The following TFE3 variants were observed in gnomAD, a reference collection of about 807,000 sequenced individuals.
TFE3 encodes transcription factor binding to IGHM enhancer 3.
Under a neutral mutation model 35.0 loss-of-function variants are expected in TFE3, and 5 were observed. The ratio of observed to expected loss-of-function variants is 0.14; its 90% CI spans 0.07 to 0.30. TFE3 has a LOEUF of 0.30. Ranked by LOEUF, TFE3 falls within the 10% of genes least tolerant of loss-of-function variation. The pLI is 1.00. For synonymous variants in TFE3, 211 were observed against 215.6 expected (o/e 0.98, Z 0.18); for missense variants, 374 against 496.6 (o/e 0.75, Z 2.35).
chrX:49,031,608 C>T (rs1557073767), intron 8 of TFE3, 64 bp from the exon 9 acceptor site: 17 of 1,089,812 alleles, frequency 1.6e-5, no homozygotes, highest in African/African-American at 5.6e-5. Flanking sequence ...GGAGCTGAGG[C>T]GGGGATTGCA....
At chrX:49,039,838 G>T (rs1181897632) in intron 2 of TFE3, 4 of 119,109 alleles carry the variant, frequency 3.4e-5, no homozygotes, top group Non-Finnish European at 6.8e-5. Flanking sequence ...GCTCCTGGGG[G>T]TGGGCGTCAG....
At position 49,028,798 on chromosome X, in the gene TFE3, G is replaced by A. The variant is rs1401451382; in HGVS notation, c.*1360C>T. 4.7e-5 allele frequency: 8 copies of A among 168,447 alleles called. No individual in the cohort carries two copies. The East Asian group carries it at 6.8e-4, about 14-fold the overall frequency. 13.9% of individuals were successfully genotyped at this position (168,447 alleles called of 1,213,427 possible). On this transcript the variant is annotated 3_prime_UTR_variant, in exon 10 of 10. Transcript: ENST00000315869. ...TAATCACAAACCTATAGACCCCTCA[G>A]TATACCCTCCATGGGGCCTGGCCCC... is the stretch of plus-strand genomic sequence containing the variant.
chrX:49,031,296 C>G (rs1398212247), intron 9 of TFE3, 101 bp downstream of exon 9: 14 of 999,626 alleles, frequency 1.4e-5, no homozygotes, highest in Non-Finnish European at 2.6e-6. Context: ...CAGGGATCCC[C>G]CAAGTATGCC....
chrX:49,033,491 G>A lies in TFE3; in HGVS notation c.1110C>T (p.Gly370=). The A allele has an allele frequency of 1.7e-6, 2 of 1,211,697 alleles. No individual in the cohort carries two copies. The highest frequency in any genetic ancestry group is 2.2e-6 in the Non-Finnish European group (2 of 895,471). ...GGTCACTGGACTTAGGGATGAGAGTGCCCAGTTCCTTGATCCTGTCGTTAA... is the reference window on the plus strand; with the variant it reads ...GGTCACTGGACTTAGGGATGAGAGTACCCAGTTCCTTGATCCTGTCGTTAA... ...FNINDRIKEL[G]TLIPKSSDPE... is the part of the protein sequence containing the mutation. The change falls in exon 8 of 10, where the codon GGC becomes GGT. Residue 370 remains glycine (G), a synonymous_variant. Transcript: ENST00000315869.
At chrX:49,038,518 G>A (rs1372023586) in intron 3 of TFE3, 76 bp from the exon 4 acceptor site, 12 of 1,118,671 alleles carry the variant, frequency 1.1e-5, no homozygotes, top group Non-Finnish European at 1.4e-5. Context: ...CTGAGCCCCA[G>A]CCTGACCCTC....
chrX:49,039,030 C>T (rs1024715163), intron 3 of TFE3, 77 bp downstream of exon 3: 1 of 1,032,310 alleles, frequency 9.7e-7, no homozygotes, highest in Non-Finnish European at 1.3e-6. Flanking sequence ...ACCAGTGCAT[C>T]GAGGCCATCC....
Position 49,031,715 on chromosome X carries a change from C to A in TFE3, c.1137-171G>T, listed in dbSNP as rs1164010148. On this transcript the variant is annotated intron_variant, in intron 8 of 9. Coordinates refer to ENST00000315869, the MANE Select transcript of TFE3 (RefSeq NM_006521.6). ...GGAAAACTTCCCGCCTGGAATCTTACAATGGTGCCCCATCACACTCCAAAC... is the reference window on the plus strand; with the variant it reads ...GGAAAACTTCCCGCCTGGAATCTTAAAATGGTGCCCCATCACACTCCAAAC... 8.4e-6 allele frequency: 4 copies of A among 474,939 alleles called. No homozygotes were observed. In the Admixed American group the frequency reaches 1.5e-4, roughly 18 times the overall value. 39.1% of individuals were successfully genotyped at this position (474,939 alleles called of 1,213,427 possible).
Position 49,029,757 on chromosome X carries a change from A to T in TFE3, c.*401T>A, listed in dbSNP as rs1341692035. ...GTTCCAAGACAAAGGATGGAGCAAC[A>T]TCCTGACATCTCCCTTTCCCAGGAG... On this transcript the variant is annotated 3_prime_UTR_variant, in exon 10 of 10. Coordinates refer to ENST00000315869, the MANE Select transcript of TFE3 (RefSeq NM_006521.6). 1 of 452,557 alleles carries T rather than the reference A, an allele frequency of 2.2e-6. No homozygotes were observed. The highest frequency in any genetic ancestry group is 4.1e-6 in the Non-Finnish European group (1 of 241,556). 37.3% of individuals were successfully genotyped at this position (452,557 alleles called of 1,213,427 possible).
Position 49,030,616 on chromosome X carries a change from G to T in TFE3, c.1285-15C>A. 1 of 1,185,122 alleles carries T rather than the reference G, an allele frequency of 8.4e-7. No individual in the cohort carries two copies. The highest frequency in any genetic ancestry group is 1.1e-6 in the Non-Finnish European group (1 of 875,310). ...AGTTCTAGTTCCTGTAAAAAATAGG[G>T]GTTGGGTGCAGGATAAGTAGGGTTC... On this transcript the variant is annotated splice_polypyrimidine_tract_variant and intron_variant, in intron 9 of 9. Coordinates refer to ENST00000315869, the MANE Select transcript of TFE3 (RefSeq NM_006521.6).
intron 1 of TFE3, among the ~76,000 whole-genome samples, chrX:49,041,525 A>T (rs2147778991): frequency 8.9e-6 from 1 of 111,829 alleles, no homozygotes. Context: ...AAGAGGGAGA[A>T]TTTGGGTGGT....
At chrX:49,034,966 T>TC (rs2064719757) in intron 5 of TFE3, among the ~76,000 whole-genome samples, 31 of 109,079 alleles carry the variant, frequency 2.8e-4, no homozygotes, top group Non-Finnish European at 1.9e-5. Context: ...TTTTTTTTTT[T>TC]CCTCTCCTTC....
intron 5 of TFE3, 142 bp downstream of exon 5, chrX:49,037,868 C>T: frequency 5.8e-6 from 3 of 515,127 alleles, no homozygotes; most frequent in Non-Finnish European, 9.9e-6. Context: ...GTTGACATAC[C>T]CTGTTCTCGT....
Position 49,029,913 on chromosome X carries a change from T to G in TFE3, c.*245A>C. ...CCCCAGGGGGCAGGCCCTGATCTCA[T>G]GTCCTTCTCCAGCCTTCTCCTTCTG... On this transcript the variant is annotated 3_prime_UTR_variant, in exon 10 of 10. Coordinates refer to ENST00000315869, the MANE Select transcript of TFE3 (RefSeq NM_006521.6). The G allele has an allele frequency of 3.9e-6, 2 of 511,246 alleles. No homozygotes were observed. Among genetic ancestry groups the G allele is most frequent in the South Asian group, 2.5e-5 (1 of 39,845 alleles). 42.1% of individuals were successfully genotyped at this position (511,246 alleles called of 1,213,427 possible). A position where few individuals can be genotyped will look rare whatever the true frequency, so the allele number is the denominator to read the frequency against.
intron 6 of TFE3, 34 bp downstream of exon 6, chrX:49,034,100 T>C (rs1557074251): frequency 3.6e-6 from 4 of 1,122,636 alleles, no homozygotes; most frequent in Non-Finnish European, 3.7e-6. Context: ...TGGGGTAAAG[T>C]GTAGGGCCAT....
rs1219514369 is a variant in TFE3, at chrX:49,028,755, G to A, written c.*1403C>T. On this transcript the variant is annotated 3_prime_UTR_variant, in exon 10 of 10. Transcript: ENST00000315869. ...CCAAAGTTAAAAGCGCATCAAACAC[G>A]CCTAGCTTTTATTATTTTAATCACA... 1 of 163,694 alleles carries A rather than the reference G, an allele frequency of 6.1e-6. No homozygotes were observed. The highest frequency in any genetic ancestry group is 1.2e-5 in the Non-Finnish European group (1 of 83,983). 13.5% of individuals were successfully genotyped at this position (163,694 alleles called of 1,213,427 possible). A position where few individuals can be genotyped will look rare whatever the true frequency, so the allele number is the denominator to read the frequency against.
At chrX:49,037,525 C>A (rs1267142562) in intron 5 of TFE3, among the ~76,000 whole-genome samples, 1 of 109,064 alleles carries the variant, frequency 9.2e-6, no homozygotes, top group East Asian at 2.9e-4. Flanking sequence ...GTGATGAAAC[C>A]CCGTCTCTAC....
At chrX:49,034,791 C>T (rs1362463841) in intron 5 of TFE3, among the ~76,000 whole-genome samples, 2 of 112,138 alleles carry the variant, frequency 1.8e-5, no homozygotes, top group African/African-American at 6.5e-5. Flanking sequence ...TCACTCTGAT[C>T]AAGTTGTACC....
intron 8 of TFE3, among the ~76,000 whole-genome samples, chrX:49,033,216 G>A (rs2064709602): frequency 9.0e-6 from 1 of 111,694 alleles, no homozygotes; most frequent in South Asian, 3.7e-4. Flanking sequence ...GAAGTACTAA[G>A]TGAACAGAAA....
At chrX:49,035,235 T>C (rs999935026) in intron 5 of TFE3, among the ~76,000 whole-genome samples, 1 of 103,862 alleles carries the variant, frequency 9.6e-6, no homozygotes, top group East Asian at 3.0e-4. Context: ...AACAGGAGAG[T>C]TGCTTGAACC....
Sources: allele counts gnomAD v4.1 joint callset (sites outside exome capture counted in the v4.1 genomes callset), GRCh38; gene constraint gnomAD v4.1.1; transcripts MANE v1.5; gene names NCBI Gene and HGNC (gene_info 2026-07-23, HGNC 2026-07-21).